The following PRKAR1B variants were observed in gnomAD, a reference collection of about 807,000 sequenced individuals.
PRKAR1B encodes cAMP-dependent protein kinase type I-beta regulatory subunit.
PRKAR1B carries 22 observed loss-of-function variants against 46.5 expected under a neutral mutation model. The observed-to-expected ratio is 0.47, with a 90% CI of 0.34 to 0.68. PRKAR1B has a LOEUF of 0.68. PRKAR1B is among the 30% of genes least tolerant of loss of function. The pLI is 0.01. For missense variants in PRKAR1B, 445 were observed against 535.6 expected, an observed-to-expected ratio of 0.83 and a Z score of 1.67; for synonymous variants, 259 against 217.7, an observed-to-expected ratio of 1.19 and a Z score of -1.67.
At chr7:685,280 GTATATATATGTA>G (rs1778964902) in intron 2 of PRKAR1B, among the ~76,000 whole-genome samples, 1 of 17,252 alleles carries the variant, frequency 5.8e-5, no homozygotes, top group African/African-American at 2.1e-4. Context: ...GTATATATAC[GTATATATATGTA>G]TACATATATA....
chr7:579,514 A>T (rs1780060786), intron 8 of PRKAR1B, 137 bp from the exon 9 acceptor site: 4 of 1,163,064 alleles, frequency 3.4e-6, no homozygotes, highest in Non-Finnish European at 4.8e-6. Context: ...AGTAAGCTGC[A>T]TAAGATGAGG....
intron 8 of PRKAR1B, among the ~76,000 whole-genome samples, chr7:580,457 G>A (rs1017428031): frequency 1.3e-5 from 2 of 152,022 alleles, no homozygotes; most frequent in African/African-American, 4.8e-5. Flanking sequence ...ACTGCCCATC[G>A]AAAAGAAACA....
intron 4 of PRKAR1B, among the ~76,000 whole-genome samples, chr7:645,846 G>A (rs962895328): frequency 6.6e-5 from 10 of 152,094 alleles, no homozygotes; most frequent in Non-Finnish European, 1.5e-4. Context: ...GCAGGTTGCC[G>A]TCCACTCGCC....
intron 2 of PRKAR1B, among the ~76,000 whole-genome samples, chr7:691,007 G>A (rs1028883857): frequency 9.2e-5 from 14 of 151,918 alleles, no homozygotes; most frequent in African/African-American, 2.2e-4. Context: ...AGGGTCCCGC[G>A]CCCACCCACA....
At chr7:611,184 A>C (rs1322262880) in intron 4 of PRKAR1B, among the ~76,000 whole-genome samples, 1 of 152,228 alleles carries the variant, frequency 6.6e-6, no homozygotes, top group Non-Finnish European at 1.5e-5. Flanking sequence ...CCTATCATGA[A>C]CGCTCCTCCA....
At chr7:723,604 C>T (rs1179917448) in intron 1 of PRKAR1B, among the ~76,000 whole-genome samples, 1 of 152,234 alleles carries the variant, frequency 6.6e-6, no homozygotes, top group Non-Finnish European at 1.5e-5. Context: ...TATTCTTTCT[C>T]GTCTTCAGCA....
intron 8 of PRKAR1B, among the ~76,000 whole-genome samples, chr7:584,282 C>T (rs1456130953): frequency 6.6e-6 from 1 of 152,204 alleles, no homozygotes; most frequent in Non-Finnish European, 1.5e-5. Flanking sequence ...CAGGGCAGCC[C>T]CGCCCACGAG....
chr7:630,129 G>A (rs1348587793), intron 4 of PRKAR1B, among the ~76,000 whole-genome samples: 3 of 152,210 alleles, frequency 2.0e-5, no homozygotes, highest in South Asian at 2.1e-4. Flanking sequence ...AGCACAGGCC[G>A]GGCCTTGGAA....
intron 4 of PRKAR1B, among the ~76,000 whole-genome samples, chr7:637,824 A>C (rs1325671412): frequency 6.6e-6 from 1 of 151,574 alleles, no homozygotes; most frequent in African/African-American, 2.4e-5. Context: ...CAAGAGAGAG[A>C]CTCCATCTAA....
At chr7:605,741 G>A (rs996419139) in intron 6 of PRKAR1B, among the ~76,000 whole-genome samples, 3 of 152,122 alleles carry the variant, frequency 2.0e-5, no homozygotes, top group African/African-American at 4.8e-5. Context: ...AAACGCAGGC[G>A]CAAAAGGCAG....
At chr7:590,712 C>G (rs962830583) in intron 7 of PRKAR1B, among the ~76,000 whole-genome samples, 1 of 152,196 alleles carries the variant, frequency 6.6e-6, no homozygotes, top group African/African-American at 2.4e-5. Flanking sequence ...AAGCCCTCCC[C>G]AAGGTCCCCT....
chr7:557,081 A>G (rs1193887623), intron 9 of PRKAR1B, among the ~76,000 whole-genome samples: 1 of 152,190 alleles, frequency 6.6e-6, no homozygotes, highest in Admixed American at 6.5e-5. Flanking sequence ...TCCGTTTCCA[A>G]CCAGAGTCGG....
chr7:684,317 C>A (rs779781317), intron 2 of PRKAR1B, among the ~76,000 whole-genome samples: 4 of 152,232 alleles, frequency 2.6e-5, no homozygotes, highest in Non-Finnish European at 5.9e-5. Flanking sequence ...TTTATGCGAT[C>A]ATTTAAATAT....
chr7:684,602 C>T (rs1003467150), intron 2 of PRKAR1B, among the ~76,000 whole-genome samples: 9 of 152,090 alleles, frequency 5.9e-5, no homozygotes, highest in Admixed American at 6.6e-5. Flanking sequence ...GCTGCAGAGC[C>T]CCACAGAGCA....
At chr7:677,736 T>G (rs1182431186) in intron 3 of PRKAR1B, among the ~76,000 whole-genome samples, 1 of 152,074 alleles carries the variant, frequency 6.6e-6, no homozygotes, top group Non-Finnish European at 1.5e-5. Flanking sequence ...CTCTTGTTAC[T>G]TTTGAAATGC....
chr7:659,920 G>A (rs1419255864), intron 4 of PRKAR1B, among the ~76,000 whole-genome samples: 1 of 152,118 alleles, frequency 6.6e-6, no homozygotes. Context: ...TTAAGGAAGA[G>A]AAGGGGGAGG....
chr7:669,663 C>T (rs1050147034), intron 4 of PRKAR1B, among the ~76,000 whole-genome samples: 2 of 151,120 alleles, frequency 1.3e-5, no homozygotes, highest in East Asian at 4.0e-4. Context: ...ACTCGGGAGG[C>T]TGAGGCAGGA....
chr7:671,229 C>T (rs115336894), intron 4 of PRKAR1B, among the ~76,000 whole-genome samples: 2,399 of 152,050 alleles, frequency 0.016, 35 homozygotes, highest in African/African-American at 0.039. Flanking sequence ...TGAAGGTGGG[C>T]GTGGATGTCA....
chr7:583,345 G>A (rs1249128247), intron 8 of PRKAR1B, among the ~76,000 whole-genome samples: 6 of 149,302 alleles, frequency 4.0e-5, no homozygotes, highest in East Asian at 3.9e-4. Flanking sequence ...ATACACACAC[G>A]TGCACACACA....
Sources: allele counts gnomAD v4.1 joint callset (sites outside exome capture counted in the v4.1 genomes callset), GRCh38; gene constraint gnomAD v4.1.1; transcripts MANE v1.5; gene names NCBI Gene and HGNC (gene_info 2026-07-23, HGNC 2026-07-21).